The following SCAF4 variants were observed in gnomAD, a reference collection of about 807,000 sequenced individuals.
SCAF4 encodes SR-related CTD associated factor 4.
A neutral mutation model predicts 129.8 loss-of-function variants in SCAF4; 25 were observed. The observed-to-expected ratio is 0.19, with a 90% CI of 0.14 to 0.27. The LOEUF (loss-of-function observed/expected upper bound fraction) is 0.27, where lower values mean the gene tolerates loss of function less well. SCAF4 is among the 10% of genes least tolerant of loss of function. The pLI, the probability that SCAF4 is intolerant of heterozygous loss-of-function variation, is 1.00. For synonymous variants in SCAF4, 551 were observed against 497.7 expected (o/e 1.11, Z -1.43); for missense variants, 1,246 against 1,457.1 (o/e 0.86, Z 2.36).
At chr21:31,722,650 G>T (rs1385133152) in intron 1 of SCAF4, among the ~76,000 whole-genome samples, 1 of 152,156 alleles carries the variant, frequency 6.6e-6, no homozygotes, top group Non-Finnish European at 1.5e-5. Flanking sequence ...TTTGACTGAG[G>T]CATTTCAAAG....
At chr21:31,700,741 C>CTTT (rs79606547) in intron 7 of SCAF4, 15 of 290,144 alleles carry the variant, frequency 5.2e-5, no homozygotes, top group African/African-American at 2.1e-4. Context: ...CTAACTTTTT[C>CTTT]TTTTTTTTTT....
At chr21:31,723,055 T>C (rs1240811999) in intron 1 of SCAF4, among the ~76,000 whole-genome samples, 2 of 152,252 alleles carry the variant, frequency 1.3e-5, no homozygotes, top group Non-Finnish European at 2.9e-5. Flanking sequence ...CCAAACACAG[T>C]ATGATGTTTA....
intron 19 of SCAF4, among the ~76,000 whole-genome samples, chr21:31,678,457 C>T (rs1216418584): frequency 1.3e-5 from 2 of 152,108 alleles, no homozygotes; most frequent in Non-Finnish European, 2.9e-5. Flanking sequence ...GCATCAGAAC[C>T]GGTCTCCTTT....
chr21:31,693,218 CT>C, intron 12 of SCAF4, 75 bp downstream of exon 12: 1 of 1,055,944 alleles, frequency 9.5e-7, no homozygotes, highest in Non-Finnish European at 1.3e-6. Context: ...TATAGTTTTG[CT>C]AACAGTTATA....
At chr21:31,681,293 G>A (rs1224278796) in intron 19 of SCAF4, among the ~76,000 whole-genome samples, 1 of 152,200 alleles carries the variant, frequency 6.6e-6, no homozygotes, top group Non-Finnish European at 1.5e-5. Flanking sequence ...GTTCGACCTA[G>A]AACAGTTTTT....
At chr21:31,686,499 G>A (rs922806747) in intron 16 of SCAF4, among the ~76,000 whole-genome samples, 1 of 152,068 alleles carries the variant, frequency 6.6e-6, no homozygotes, top group Non-Finnish European at 1.5e-5. Context: ...TCTCTAAAAC[G>A]GCAAAGTGCC....
At chr21:31,724,684 C>T (rs1052234908) in intron 1 of SCAF4, among the ~76,000 whole-genome samples, 31 of 152,212 alleles carry the variant, frequency 2.0e-4, no homozygotes, top group Admixed American at 1.1e-3. Context: ...TGACACAGAA[C>T]AACCTACAAT....
intron 1 of SCAF4, among the ~76,000 whole-genome samples, chr21:31,717,900 TATATACACACACACACACACACACACAC>T (rs2050970951): frequency 3.8e-5 from 3 of 78,592 alleles, no homozygotes; most frequent in African/African-American, 1.4e-4. Context: ...TATATACACA[TATATACACACACACACACACACACACAC>T]ACACACACAC....
chr21:31,685,307 T>C, intron 18 of SCAF4, 67 bp from the exon 19 acceptor site: 1 of 1,494,630 alleles, frequency 6.7e-7, no homozygotes, highest in East Asian at 2.3e-5. Flanking sequence ...AACATTCTTA[T>C]GCCATACTAT....
At position 31,727,696 on chromosome 21, in the gene SCAF4, C is replaced by A. The variant is rs577209948; in HGVS notation, c.30+3967G>T. On this transcript the variant is annotated intron_variant, in intron 1 of 19. Transcript: ENST00000286835. Reference sequence around the variant, plus strand: ...AGTCCCAGCTACTCGGGAGGAGAGGCAGGAGAATCGCTTGAACCCAGGAGG... The same window carrying A: ...AGTCCCAGCTACTCGGGAGGAGAGGAAGGAGAATCGCTTGAACCCAGGAGG... Among the ~76,000 whole-genome samples, 742 of 152,024 alleles carry A rather than the reference C, an allele frequency of 4.9e-3. 7 individuals carry two copies. Among genetic ancestry groups the A allele is most frequent in the African/African-American group, 0.017 (699 of 41,458 alleles).
rs1287473500 is a variant in SCAF4 at position 31,696,129 on chromosome 21, T to A, written c.1052A>T (p.Asp351Val). ...FQPRMMGIQQ[D>V]PMHHQVPLPP... is the part of the protein sequence containing the mutation. ...TGCTTGTACCTGATGGTGCATTGGA[T>A]CCTGTTGTATTCCCATCATTCGTGG... The change falls in exon 9 of 20, where the codon GAT (aspartate) becomes GTT (valine). Residue 351 changes from aspartate to valine, a missense_variant. Physicochemically the swap from Asp to Val is radical, Grantham distance 152. This residue lies in a region of SCAF4 where 236 missense variants were observed against 210.0 expected (regional missense o/e 1.12). Coordinates refer to ENST00000286835, the MANE Select transcript of SCAF4 (RefSeq NM_020706.2). 1 of 1,611,954 alleles carries A rather than the reference T, an allele frequency of 6.2e-7. No individual in the cohort carries two copies. Among genetic ancestry groups the A allele is most frequent in the Non-Finnish European group, 8.5e-7 (1 of 1,178,264 alleles).
At chr21:31,707,166 T>C (rs2050687574) in intron 1 of SCAF4, among the ~76,000 whole-genome samples, 1 of 152,068 alleles carries the variant, frequency 6.6e-6, no homozygotes, top group Non-Finnish European at 1.5e-5. Context: ...GGGGGTTACT[T>C]TTTATATCCT....
chr21:31,704,322 T>C (rs2050603361), intron 3 of SCAF4, among the ~76,000 whole-genome samples: 1 of 152,136 alleles, frequency 6.6e-6, no homozygotes, highest in Admixed American at 6.5e-5. Flanking sequence ...AACATATCAA[T>C]TTTAATTCTA....
chr21:31,716,602 G>C (rs1447848693), intron 1 of SCAF4, among the ~76,000 whole-genome samples: 2 of 152,016 alleles, frequency 1.3e-5, no homozygotes, highest in African/African-American at 4.8e-5. Context: ...CTTAACAAAA[G>C]ATAATTTTAA....
intron 1 of SCAF4, among the ~76,000 whole-genome samples, chr21:31,714,712 A>G (rs1291365962): frequency 6.6e-6 from 1 of 152,224 alleles, no homozygotes. Context: ...AACCTTAACA[A>G]GTTTAGTCAA....
At chr21:31,678,796 A>G (rs550500068) in intron 19 of SCAF4, among the ~76,000 whole-genome samples, 1 of 152,264 alleles carries the variant, frequency 6.6e-6, no homozygotes, top group African/African-American at 2.4e-5. Flanking sequence ...ATCGTATTTA[A>G]AATTGTACAT....
Position 31,731,641 on chromosome 21 carries a change from C to G in SCAF4, c.30+22G>C. 3 of 1,589,638 alleles carry G rather than the reference C, an allele frequency of 1.9e-6. No homozygotes were observed. The East Asian group carries it at 7.1e-5, about 37-fold the overall frequency. On this transcript the variant is annotated intron_variant, in intron 1 of 19. Coordinates refer to ENST00000286835, the MANE Select transcript of SCAF4 (RefSeq NM_020706.2). ...GGCTCCCGCAGCAGGCCCGGCACCC[C>G]CCTGCCCCAAACACCCCTTACCTCC...
intron 19 of SCAF4, among the ~76,000 whole-genome samples, chr21:31,678,472 T>C (rs16988427): frequency 0.12 from 17,665 of 151,620 alleles, 1,696 homozygotes; most frequent in East Asian, 0.51. Flanking sequence ...TCCTTTCCAC[T>C]CTTACCAACT....
Position 31,694,999 on chromosome 21 carries a change from G to A in SCAF4, c.1069-19C>T, listed in dbSNP as rs1391585467. Reference sequence around the variant, plus strand: ...GTGGAACCTTTCATTTTTAAAGAAAGTGTATGAGTAATAGCTATCAAAATA... The same window carrying A: ...GTGGAACCTTTCATTTTTAAAGAAAATGTATGAGTAATAGCTATCAAAATA... On this transcript the variant is annotated intron_variant, in intron 9 of 19. Coordinates refer to ENST00000286835, the MANE Select transcript of SCAF4 (RefSeq NM_020706.2). 6 of 1,604,682 alleles carry A rather than the reference G, an allele frequency of 3.7e-6. 1 individual carries two copies. The highest frequency in any genetic ancestry group is 5.1e-6 in the Non-Finnish European group (6 of 1,172,890).
Sources: allele counts gnomAD v4.1 joint callset (sites outside exome capture counted in the v4.1 genomes callset), GRCh38; gene constraint gnomAD v4.1.1; regional missense constraint gnomAD v4.1.1; transcripts MANE v1.5; gene names NCBI Gene and HGNC (gene_info 2026-07-23, HGNC 2026-07-21).